SLC39A12: variants seen among roughly 807,000 people sequenced by gnomAD.
SLC39A12 encodes the protein zinc transporter ZIP12.
A neutral mutation model predicts 71.1 loss-of-function variants in SLC39A12; 63 were observed. That is an observed-to-expected ratio of 0.89 (90% CI 0.72 to 1.09). The LOEUF (loss-of-function observed/expected upper bound fraction) is 1.09. Ranked by LOEUF, SLC39A12 falls within the 50% of genes least tolerant of loss-of-function variation. The pLI is 0.00. For synonymous variants in SLC39A12, 351 were observed against 301.3 expected (o/e 1.16, Z -1.71); for missense variants, 892 against 812.6 (o/e 1.10, Z -1.19).
chr10:17,996,771 G>T (rs2478572), intron 10 of SLC39A12, among the ~76,000 whole-genome samples: 44,770 of 151,828 alleles, frequency 0.29, 7,363 homozygotes, highest in Admixed American at 0.42. Flanking sequence ...GCCGAGGCGG[G>T]CAGATCACGA....
At chr10:18,034,306 C>A (rs368297748) in intron 12 of SLC39A12, among the ~76,000 whole-genome samples, 3 of 150,588 alleles carry the variant, frequency 2.0e-5, no homozygotes, top group Non-Finnish European at 4.4e-5. Flanking sequence ...GTAGGTCACT[C>A]AGGACTTGCT....
intron 10 of SLC39A12, among the ~76,000 whole-genome samples, chr10:17,998,573 T>A (rs987978564): frequency 3.3e-5 from 5 of 152,222 alleles, no homozygotes; most frequent in Admixed American, 1.3e-4. Context: ...TTATTCTTTG[T>A]TCTTATGGCT....
chr10:18,005,836 C>T (rs1205529294), intron 12 of SLC39A12: 2 of 149,646 alleles, frequency 1.3e-5, no homozygotes, highest in Non-Finnish European at 3.0e-5. Context: ...AAACCAGCAT[C>T]CTGGCAGAAA....
At chr10:18,020,592 A>C (rs935853391) in intron 12 of SLC39A12, among the ~76,000 whole-genome samples, 1 of 152,160 alleles carries the variant, frequency 6.6e-6, no homozygotes, top group East Asian at 1.9e-4. Context: ...CACCAGCAGT[A>C]TATTAGCATT....
chr10:18,016,593 G>A (rs2488111), intron 12 of SLC39A12, among the ~76,000 whole-genome samples: 97,117 of 152,068 alleles, frequency 0.64, 31,527 homozygotes, highest in Non-Finnish European at 0.68. Flanking sequence ...CATGATAAGT[G>A]TGTTTAGTTT....
At chr10:18,040,374 G>A (rs1030292836) in intron 12 of SLC39A12, among the ~76,000 whole-genome samples, 1 of 152,108 alleles carries the variant, frequency 6.6e-6, no homozygotes, top group African/African-American at 2.4e-5. Flanking sequence ...ATGTGAGATG[G>A]CAGGTCATAG....
chr10:18,038,731 G>C (rs756548431), intron 12 of SLC39A12, among the ~76,000 whole-genome samples: 1 of 152,140 alleles, frequency 6.6e-6, no homozygotes, highest in Non-Finnish European at 1.5e-5. Context: ...GAAACAGCTT[G>C]AAATTCTGCT....
intron 4 of SLC39A12, among the ~76,000 whole-genome samples, chr10:17,965,929 G>C (rs1261598539): frequency 6.6e-6 from 1 of 152,228 alleles, no homozygotes; most frequent in African/African-American, 2.4e-5. Flanking sequence ...TGGAATTGTG[G>C]ATGTAAAGGG....
chr10:17,958,992 G>A (rs782594878), intron 2 of SLC39A12, among the ~76,000 whole-genome samples: 1 of 152,112 alleles, frequency 6.6e-6, no homozygotes, highest in Non-Finnish European at 1.5e-5. Context: ...AGGAATAACT[G>A]AATGCAAAAG....
intron 12 of SLC39A12, among the ~76,000 whole-genome samples, chr10:18,023,312 G>A (rs990735664): frequency 3.3e-5 from 5 of 151,954 alleles, no homozygotes; most frequent in Non-Finnish European, 7.4e-5. Flanking sequence ...CTGGTAAAGA[G>A]CAGGGATGTC....
At chr10:18,041,772 C>CATATGTATATACATGTGTCT (rs1837254362) in intron 12 of SLC39A12, among the ~76,000 whole-genome samples, 1 of 134,330 alleles carries the variant, frequency 7.4e-6, no homozygotes, top group Non-Finnish European at 1.6e-5. Flanking sequence ...CATATGTATA[C>CATATGTATATACATGTGTCT]ATATGTATAT....
At chr10:17,957,738 T>C (rs1486076946) in intron 2 of SLC39A12, among the ~76,000 whole-genome samples, 10 of 152,220 alleles carry the variant, frequency 6.6e-5, no homozygotes, top group African/African-American at 2.4e-4. Flanking sequence ...CTTTTTGTCA[T>C]ATCTATGTCC....
chr10:18,036,746 TTATATATATATATATATATA>T (rs1195629854), intron 12 of SLC39A12, among the ~76,000 whole-genome samples: 7 of 37,494 alleles, frequency 1.9e-4, no homozygotes, highest in South Asian at 7.6e-4. Flanking sequence ...ATTTTAAAAA[TTATATATATATATATATATA>T]TATATATATA....
chr10:17,978,370 C>T (rs775076387), intron 5 of SLC39A12, among the ~76,000 whole-genome samples: 1 of 152,142 alleles, frequency 6.6e-6, no homozygotes, highest in Non-Finnish European at 1.5e-5. Flanking sequence ...ATGCACACCG[C>T]TAATCATCCT....
In SLC39A12 at chr10:17,952,262, G is replaced by A. The variant is rs114313188; in HGVS notation, c.-87+237G>A. On this transcript the variant is annotated intron_variant, in intron 1 of 12. Transcript: ENST00000377369. ...AGATAATTTTTTTTTCCAGGAAGTT[G>A]ATTGGCTCTAAAGTCATCCCCCACT... Among the ~76,000 whole-genome samples the A allele has an allele frequency of 5.6e-3, 855 of 151,710 alleles. 11 individuals are homozygous for A. Among genetic ancestry groups the A allele is most frequent in the African/African-American group, 0.02 (813 of 41,352 alleles).
chr10:18,007,315 C>A (rs1383913564), intron 12 of SLC39A12: 1 of 152,188 alleles, frequency 6.6e-6, no homozygotes, highest in Non-Finnish European at 1.5e-5. Flanking sequence ...TGTGTATCCT[C>A]TAGTTGCCTG....
chr10:17,962,485 C>T (rs1834716708), intron 3 of SLC39A12, among the ~76,000 whole-genome samples: 2 of 151,706 alleles, frequency 1.3e-5, no homozygotes, highest in South Asian at 4.2e-4. Context: ...TTTTTGCTTT[C>T]TGGTTTGCAG....
At chr10:18,023,869 G>T (rs1836602954) in intron 12 of SLC39A12, among the ~76,000 whole-genome samples, 1 of 152,116 alleles carries the variant, frequency 6.6e-6, no homozygotes, top group Non-Finnish European at 1.5e-5. Context: ...CCCAGGTCAG[G>T]AGGCACTGCT....
chr10:18,026,717 C>CT (rs1836687737), intron 12 of SLC39A12, among the ~76,000 whole-genome samples: 1 of 151,668 alleles, frequency 6.6e-6, no homozygotes, highest in African/African-American at 2.4e-5. Flanking sequence ...TTTTTCAGTC[C>CT]TTTTTTCTCT....
Sources: allele counts gnomAD v4.1 joint callset (sites outside exome capture counted in the v4.1 genomes callset), GRCh38; gene constraint gnomAD v4.1.1; transcripts MANE v1.5; gene names NCBI Gene and HGNC (gene_info 2026-07-23, HGNC 2026-07-21).